IFT140: variants seen among roughly 807,000 people sequenced by gnomAD.
IFT140 encodes the protein intraflagellar transport 140.
Under a neutral mutation model 164.6 loss-of-function variants are expected in IFT140, and 133 were observed. The observed-to-expected ratio is 0.81, with a 90% CI of 0.70 to 0.93. The LOEUF (loss-of-function observed/expected upper bound fraction) is 0.93. IFT140 is among the 40% of genes least tolerant of loss of function. IFT140 has a pLI of 0.00. For missense variants in IFT140, 2,045 were observed against 1,972.3 expected (o/e 1.04, Z -0.70); for synonymous variants, 860 against 817.3 (o/e 1.05, Z -0.89).
In IFT140 at chr16:1,526,624, T is replaced by C. The variant is rs1293806378; in HGVS notation, c.2572A>G (p.Met858Val). The C allele has an allele frequency of 6.9e-7, 1 of 1,445,884 alleles. No individual in the cohort carries two copies. The highest frequency in any genetic ancestry group is 2.0e-5 in the Admixed American group (1 of 48,968). The allele number at this position is 1,445,884 out of a possible 1,614,324, so 89.6% of individuals were successfully genotyped here. ...CCATGGCGGGCGCCCCTCACCAGCA[T>C]GCCCAGCTGCGTGGCCAGCACGGCC... is the stretch of plus-strand genomic sequence containing the variant. ...RVAVLATQLG[M>V]LEDAEQLYRK... The change falls in exon 20 of 31, where the codon ATG becomes GTG. Residue 858 changes from methionine (M) to valine (V), a missense_variant. Physicochemically the swap from Met to Val is conservative, Grantham distance 21. Coordinates refer to ENST00000426508, the MANE Select transcript of IFT140 (RefSeq NM_014714.4).
At chr16:1,513,931 C>T (rs1016502952) in intron 30 of IFT140, among the ~76,000 whole-genome samples, 1 of 150,422 alleles carries the variant, frequency 6.6e-6, no homozygotes, top group Non-Finnish European at 1.5e-5. Context: ...CCTTGGCCTC[C>T]CAAAGTGCTG....
At chr16:1,534,631 CTGG>C in intron 19 of IFT140, 1 of 1,584,154 alleles carries the variant, frequency 6.3e-7, no homozygotes, top group Non-Finnish European at 8.5e-7. Context: ...AGGCGCGGAC[CTGG>C]TGAGCGGGTG....
Position 1,564,051 on chromosome 16 carries a change from G to A in IFT140, c.2013C>T (p.Arg671=). The A allele has an allele frequency of 6.2e-7, 1 of 1,601,544 alleles. No homozygotes were observed. Among genetic ancestry groups the A allele is most frequent in the Non-Finnish European group, 8.5e-7 (1 of 1,170,138 alleles). ...GCCCGTTTGCAGACTGAGGCTGGGA[G>A]CGCGGCGTCTCCTGCACGGCTTCGC... ...FVCEAVQETP[R]SQPQSANGQP... Residue 671 remains arginine, a synonymous_variant, in exon 17 of 31, where the codon CGC becomes CGT. Transcript: ENST00000426508. This position sits in a 1 kb window ranked among gnomAD's most constrained non-coding sequence, Gnocchi z 5.5.
intron 18 of IFT140, among the ~76,000 whole-genome samples, chr16:1,560,194 T>C (rs1208048205): frequency 2.0e-5 from 3 of 152,132 alleles, no homozygotes; most frequent in Non-Finnish European, 4.4e-5. Context: ...AAACATGCAT[T>C]GACAGAGCAG....
rs1391905822 is a variant in IFT140, at chr16:1,524,609, C to A, written c.3084G>T (p.Gln1028His). ...RQYESQEEVG[Q>H]AVHFYTRAQA... ...GTGCCCGGGTGTAGAAGTGCACCGC[C>A]TGCCCGACCTCCTCCTGGCTCTCGT... The change falls in exon 24 of 31, where the codon CAG (glutamine) becomes CAT (histidine). Residue 1028 changes from glutamine (Q) to histidine (H), a missense_variant. Gln to His is a conservative substitution (Grantham distance 24). Coordinates refer to ENST00000426508, the MANE Select transcript of IFT140 (RefSeq NM_014714.4). 1 of 1,605,596 alleles carries A rather than the reference C, an allele frequency of 6.2e-7. No individual in the cohort carries two copies. The highest frequency in any genetic ancestry group is 8.5e-7 in the Non-Finnish European group (1 of 1,174,302).
chr16:1,524,171 G>C (rs1031886055), intron 24 of IFT140: 3 of 659,442 alleles, frequency 4.5e-6, no homozygotes, highest in Admixed American at 6.2e-5. Flanking sequence ...AGCACTGCAA[G>C]AAATACCTGA....
At chr16:1,589,509 A>T (rs369756536) in intron 7 of IFT140, 96 bp downstream of exon 7, 3 of 1,274,764 alleles carry the variant, frequency 2.4e-6, no homozygotes, top group Admixed American at 4.2e-5. Flanking sequence ...GCTTTTTTTC[A>T]GTCTTGCTAT....
intron 19 of IFT140, among the ~76,000 whole-genome samples, chr16:1,540,514 G>A (rs569330132): frequency 7.2e-5 from 11 of 152,206 alleles, no homozygotes; most frequent in Admixed American, 3.3e-4. Flanking sequence ...ATCCCCTCTC[G>A]GCCTCCACCC....
At position 1,587,308 on chromosome 16, in the gene IFT140, C is replaced by A. The variant is rs1479956141; in HGVS notation, c.903-4G>T. 1 of 1,597,384 alleles carries A rather than the reference C, an allele frequency of 6.3e-7. No individual in the cohort carries two copies. Among genetic ancestry groups the A allele is most frequent in the Non-Finnish European group, 8.6e-7 (1 of 1,165,060 alleles). ...TCCTCGTTCTATGTCCCAGAATCTACAACAGAAGAAAGCAAGCCCCATGGA... is the reference window on the plus strand; with the variant it reads ...TCCTCGTTCTATGTCCCAGAATCTAAAACAGAAGAAAGCAAGCCCCATGGA... On this transcript the variant is annotated splice_polypyrimidine_tract_variant and splice_region_variant and intron_variant, in intron 8 of 30. Transcript: ENST00000426508.
Position 1,602,525 on chromosome 16 carries a change from T to G in IFT140, c.214A>C (p.Thr72Pro). The G allele has an allele frequency of 6.2e-7, 1 of 1,614,136 alleles. No individual in the cohort carries two copies. Among genetic ancestry groups the G allele is most frequent in the Non-Finnish European group, 8.5e-7 (1 of 1,180,028 alleles). The change falls in exon 4 of 31, where the codon ACG becomes CCG. Residue 72 changes from threonine (T) to proline (P), a missense_variant. Transcript: ENST00000426508. ...CAGCCCACAGCCAGCACCAGCCGCG[T>G]CGGGTGCCAGCACAGGGAAGCAACC... is the stretch of plus-strand genomic sequence containing the variant. Reference protein sequence around the residue: ...FRVASLCWHPTRLVLAVGWET... With the variant: ...FRVASLCWHPPRLVLAVGWET...
chr16:1,564,191 C>T lies in IFT140; in HGVS notation c.1902-29G>A, dbSNP rs148174860. The T allele has an allele frequency of 1.3e-6, 2 of 1,533,112 alleles. No individual in the cohort carries two copies. Among genetic ancestry groups the T allele is most frequent in the East Asian group, 2.4e-5 (1 of 42,364 alleles). 95.0% of individuals were successfully genotyped at this position (1,533,112 alleles called of 1,614,324 possible). Reference sequence around the variant, plus strand: ...AAAGACAAAGGAAGACCCGTTTCAACCCCAGGGCGGGCACTCCTGCTACCA... The same window carrying T: ...AAAGACAAAGGAAGACCCGTTTCAATCCCAGGGCGGGCACTCCTGCTACCA... On this transcript the variant is annotated intron_variant, in intron 16 of 30. Transcript: ENST00000426508. The surrounding 1 kb of genome is among the most constrained non-coding windows in gnomAD (Gnocchi z 5.5).
chr16:1,559,950 G>A (rs1261889097), intron 18 of IFT140, among the ~76,000 whole-genome samples: 3 of 152,218 alleles, frequency 2.0e-5, no homozygotes, highest in Admixed American at 1.3e-4. Flanking sequence ...GGACGCATGC[G>A]GGAAGGTGAG....
intron 19 of IFT140, among the ~76,000 whole-genome samples, chr16:1,543,317 T>G (rs1596333903): frequency 6.6e-6 from 1 of 152,242 alleles, no homozygotes; most frequent in South Asian, 2.1e-4. Flanking sequence ...TTATCTTTCT[T>G]AAGAAATACA....
chr16:1,588,950 A>G (rs1426196665), intron 7 of IFT140, among the ~76,000 whole-genome samples: 1 of 152,032 alleles, frequency 6.6e-6, no homozygotes, highest in Admixed American at 6.5e-5. Flanking sequence ...CACCGGGAAG[A>G]GGCCCCTGCA....
At chr16:1,523,138 G>C (rs1252856857) in intron 26 of IFT140, among the ~76,000 whole-genome samples, 1 of 151,380 alleles carries the variant, frequency 6.6e-6, no homozygotes. Context: ...AGGATTGCTT[G>C]AGCCTGGGAA....
At chr16:1,516,575 C>T (rs948031506) in intron 30 of IFT140, among the ~76,000 whole-genome samples, 2 of 151,942 alleles carry the variant, frequency 1.3e-5, no homozygotes, top group Non-Finnish European at 2.9e-5. Flanking sequence ...CGAGACCATC[C>T]TGGCTAACAC....
chr16:1,512,384 G>T (rs2040198425), intron 30 of IFT140, among the ~76,000 whole-genome samples: 1 of 152,086 alleles, frequency 6.6e-6, no homozygotes, highest in Non-Finnish European at 1.5e-5. Flanking sequence ...TGGGTGAGGT[G>T]GTGCACGTGA....
intron 4 of IFT140, among the ~76,000 whole-genome samples, chr16:1,598,555 C>T (rs1596452859): frequency 6.6e-6 from 1 of 152,232 alleles, no homozygotes; most frequent in Non-Finnish European, 1.5e-5. Context: ...CTTAGACCCA[C>T]CAGGGAGCTG....
intron 19 of IFT140, among the ~76,000 whole-genome samples, chr16:1,527,942 C>T (rs1047150988): frequency 2.0e-5 from 3 of 152,202 alleles, no homozygotes; most frequent in African/African-American, 7.2e-5. Flanking sequence ...CCAGAAATGA[C>T]TGAGGACTTG....
Sources: allele counts gnomAD v4.1 joint callset (sites outside exome capture counted in the v4.1 genomes callset), GRCh38; gene constraint gnomAD v4.1.1; non-coding constraint Gnocchi (gnomAD v3.1); transcripts MANE v1.5; gene names NCBI Gene and HGNC (gene_info 2026-07-23, HGNC 2026-07-21).